The following NOSTRIN variants were observed in gnomAD, a reference collection of about 807,000 sequenced individuals.
The protein encoded by NOSTRIN is BM247 homolog.
A neutral mutation model predicts 59.0 loss-of-function variants in NOSTRIN; 63 were observed. The observed-to-expected ratio is 1.07, with a 90% confidence interval of 0.87 to 1.32. The LOEUF (loss-of-function observed/expected upper bound fraction) is 1.32, where lower values mean the gene tolerates loss of function less well. NOSTRIN is among the 40% of genes most tolerant of loss of function. The pLI, the probability that NOSTRIN is intolerant of heterozygous loss-of-function variation, is 0.00. For missense variants in NOSTRIN, 512 were observed against 473.1 expected, an observed-to-expected ratio of 1.08 and a Z score of -0.76; for synonymous variants, 200 against 165.4, an observed-to-expected ratio of 1.21 and a Z score of -1.61.
At chr2:168,828,587 G>C in intron 5 of NOSTRIN, 86 bp downstream of exon 5, 1 of 552,496 alleles carries the variant, frequency 1.8e-6, no homozygotes, top group Non-Finnish European at 3.2e-6. Context: ...TCTGAAAGTG[G>C]TACCAAGTTT....
Position 168,851,200 on chromosome 2 carries a change from C to T in NOSTRIN, c.729+18C>T. The T allele has an allele frequency of 6.2e-7, 1 of 1,614,160 alleles. No individual in the cohort carries two copies. The highest frequency in any genetic ancestry group is 8.5e-7 in the Non-Finnish European group (1 of 1,180,020). Reference sequence around the variant, plus strand: ...TGACCACAGTGAGTAGAGATGATCTCTCCATTTCTGGTATGCCTGGTAAGA... The same window carrying T: ...TGACCACAGTGAGTAGAGATGATCTTTCCATTTCTGGTATGCCTGGTAAGA... On this transcript the variant is annotated intron_variant, in intron 9 of 15. Coordinates refer to ENST00000317647, the MANE Select transcript of NOSTRIN (RefSeq NM_001039724.4).
In NOSTRIN at chr2:168,828,414, T is replaced by C. The variant is rs1426841111; in HGVS notation, c.261-6T>C. 2 of 869,664 alleles carry C rather than the reference T, an allele frequency of 2.3e-6. No homozygotes were observed. Among genetic ancestry groups the C allele is most frequent in the East Asian group, 2.4e-5 (1 of 41,684 alleles). 53.9% of individuals were successfully genotyped at this position (869,664 alleles called of 1,614,324 possible). A position where few individuals can be genotyped will look rare whatever the true frequency, so the allele number is the denominator to read the frequency against. On this transcript the variant is annotated splice_region_variant and splice_polypyrimidine_tract_variant and intron_variant, in intron 4 of 15. Coordinates refer to ENST00000317647, the MANE Select transcript of NOSTRIN (RefSeq NM_001039724.4). Reference sequence around the variant, plus strand: ...TGCTTATGTGTCTTTTATGTTTTATTTCCAGAAAACTTGGCAAAGCAATTG... The same window carrying C: ...TGCTTATGTGTCTTTTATGTTTTATCTCCAGAAAACTTGGCAAAGCAATTG...
intron 8 of NOSTRIN, among the ~76,000 whole-genome samples, chr2:168,850,295 A>G (rs769780100): frequency 1.3e-5 from 2 of 152,216 alleles, no homozygotes; most frequent in Non-Finnish European, 2.9e-5. Context: ...TCATAAGTCT[A>G]ATAATGAAAC....
intron 2 of NOSTRIN, among the ~76,000 whole-genome samples, chr2:168,812,720 T>C (rs1686208118): frequency 6.6e-6 from 1 of 152,164 alleles, no homozygotes; most frequent in Admixed American, 6.5e-5. Flanking sequence ...TAAAGTCTGC[T>C]CCTAGATCCT....
intron 2 of NOSTRIN, among the ~76,000 whole-genome samples, chr2:168,815,670 A>T (rs530605811): frequency 1.3e-5 from 2 of 152,368 alleles, no homozygotes; most frequent in South Asian, 4.1e-4. Flanking sequence ...CTCTACCATC[A>T]TCCTGGGTGA....
At chr2:168,814,386 A>G (rs973759323) in intron 2 of NOSTRIN, among the ~76,000 whole-genome samples, 2 of 152,202 alleles carry the variant, frequency 1.3e-5, no homozygotes, top group Non-Finnish European at 2.9e-5. Flanking sequence ...CCTCCTCTAG[A>G]TATACATTGG....
intron 2 of NOSTRIN, among the ~76,000 whole-genome samples, chr2:168,792,186 T>C (rs1463760678): frequency 6.6e-6 from 1 of 152,192 alleles, no homozygotes; most frequent in Non-Finnish European, 1.5e-5. Context: ...AAAATCTTAA[T>C]GTCCTAAGTA....
At chr2:168,811,869 G>C (rs1234550633) in intron 2 of NOSTRIN, 1 of 386,058 alleles carries the variant, frequency 2.6e-6, no homozygotes, top group African/African-American at 2.1e-5. Flanking sequence ...AGCTTAGGAA[G>C]GCTCAGTCAA....
At position 168,822,675 on chromosome 2, in the gene NOSTRIN, C is replaced by T. The variant is rs547731051; in HGVS notation, c.114-1959C>T. 1.1e-4 allele frequency among the ~76,000 whole-genome samples: 16 copies of T among 152,270 alleles called. No individual in the cohort carries two copies. In the South Asian group the frequency reaches 2.1e-3, roughly 20 times the overall value. ...TATAGTCAAAAGTGATATGAAGATG[C>T]CCTCATTTTAGCTATAGATGGGTCT... On this transcript the variant is annotated intron_variant, in intron 2 of 15. Transcript: ENST00000317647.
rs755861431 is a variant in NOSTRIN at position 168,851,445 on chromosome 2, A to G, written c.855+41A>G. The stretch of plus-strand genomic sequence containing the variant: ...AAAAAAAAAGTTACATTAATGGAGA[A>G]TCTTAGGTACTGAGGGACTTACATT... On this transcript the variant is annotated intron_variant, in intron 10 of 15. Transcript: ENST00000317647. The G allele has an allele frequency of 3.8e-6, 6 of 1,574,724 alleles. No individual in the cohort carries two copies. The African/African-American group carries it at 5.5e-5, about 14-fold the overall frequency.
chr2:168,811,825 G>A (rs904935085), intron 2 of NOSTRIN, 173 bp downstream of exon 2: 8 of 454,456 alleles, frequency 1.8e-5, no homozygotes, highest in African/African-American at 1.2e-4. Flanking sequence ...TCAACTGGAT[G>A]CCATAAAAAT....
chr2:168,863,352 G>GAGTT, intron 15 of NOSTRIN: 3 of 937,570 alleles, frequency 3.2e-6, no homozygotes, highest in Non-Finnish European at 3.8e-6. Flanking sequence ...GATAGAAAAG[G>GAGTT]AGTTAATAAT....
At chr2:168,850,762 G>A (rs1574326080) in intron 8 of NOSTRIN, 4 of 353,718 alleles carry the variant, frequency 1.1e-5, no homozygotes, top group Non-Finnish European at 1.5e-5. Context: ...AAATTCTCTG[G>A]AATTCTCTGG....
chr2:168,841,725 G>GA (rs1688118015), intron 7 of NOSTRIN, among the ~76,000 whole-genome samples: 1 of 152,146 alleles, frequency 6.6e-6, no homozygotes. Flanking sequence ...AAGTTTGGCT[G>GA]AAAATCACTG....
chr2:168,799,373 C>A (rs1489442233), upstream of NOSTRIN, among the ~76,000 whole-genome samples: 1 of 152,198 alleles, frequency 6.6e-6, no homozygotes, highest in African/African-American at 2.4e-5. Context: ...TCCTCTTACT[C>A]ACATGGGAAC....
At chr2:168,840,605 G>GTA (rs1228736896) in intron 7 of NOSTRIN, among the ~76,000 whole-genome samples, 1 of 150,564 alleles carries the variant, frequency 6.6e-6, no homozygotes, top group African/African-American at 2.4e-5. Context: ...GGGGACAGTT[G>GTA]TATAGCCTTA....
intron 2 of NOSTRIN, among the ~76,000 whole-genome samples, chr2:168,791,542 T>C (rs1370805294): frequency 2.0e-5 from 3 of 152,188 alleles, no homozygotes; most frequent in African/African-American, 4.8e-5. Flanking sequence ...GTATTTCTAG[T>C]TCTAGATCCC....
chr2:168,786,731 C>A (rs1685212250), intron 1 of NOSTRIN: 1 of 152,146 alleles, frequency 6.6e-6, no homozygotes, highest in Admixed American at 6.5e-5. Flanking sequence ...TACTTTACTT[C>A]CTTTCGTTCC....
chr2:168,807,643 C>T (rs548234200), intron 1 of NOSTRIN, among the ~76,000 whole-genome samples: 3 of 152,170 alleles, frequency 2.0e-5, no homozygotes, highest in East Asian at 3.9e-4. Context: ...GGCATACTGG[C>T]GTTTGAGGTT....
Sources: gnomAD v4.1 joint callset for allele counts (sites outside exome capture counted in the v4.1 genomes callset) on GRCh38, gnomAD v4.1.1 for gene constraint, MANE v1.5 for transcripts, NCBI Gene and HGNC (gene_info 2026-07-23, HGNC 2026-07-21) for gene names.